The following PCDH9 variants were observed in gnomAD, a reference collection of about 807,000 sequenced individuals.
PCDH9 encodes protocadherin 9.
PCDH9 carries 24 observed loss-of-function variants against 70.6 expected under a neutral mutation model. The observed-to-expected ratio is 0.34, with a 90% CI of 0.25 to 0.48. The LOEUF (loss-of-function observed/expected upper bound fraction) is 0.48. Among genes scored for constraint, PCDH9 ranks in the 20% least tolerant of loss-of-function variants. PCDH9 has a pLI of 0.99. For synonymous variants in PCDH9, 562 were observed against 558.5 expected, an observed-to-expected ratio of 1.01 and a Z score of -0.09; for missense variants, 1,281 against 1,503.6, an observed-to-expected ratio of 0.85 and a Z score of 2.45.
chr13:66,777,097 A>T (rs1368196815), intron 3 of PCDH9, among the ~76,000 whole-genome samples: 183 of 150,650 alleles, frequency 1.2e-3, no homozygotes, highest in African/African-American at 4.1e-3. Context: ...CTGAAACTGG[A>T]TCCCTTCCTT....
At chr13:67,082,618 T>G (rs1594485285) in intron 2 of PCDH9, among the ~76,000 whole-genome samples, 1 of 152,316 alleles carries the variant, frequency 6.6e-6, no homozygotes, top group African/African-American at 2.4e-5. Flanking sequence ...TTAATATGTC[T>G]CTGAATTGTG....
chr13:66,321,416 C>T (rs1365174095), intron 4 of PCDH9, among the ~76,000 whole-genome samples: 1 of 151,936 alleles, frequency 6.6e-6, no homozygotes, highest in Non-Finnish European at 1.5e-5. Flanking sequence ...AAGATGGAAT[C>T]CAGGTGATTG....
intron 2 of PCDH9, among the ~76,000 whole-genome samples, chr13:67,017,005 T>C (rs1306842457): frequency 2.0e-5 from 3 of 152,104 alleles, no homozygotes; most frequent in African/African-American, 7.2e-5. Context: ...AGAAGGGCAA[T>C]ACAATCAATG....
intron 3 of PCDH9, among the ~76,000 whole-genome samples, chr13:66,776,749 T>C (rs1402489030): frequency 1.3e-5 from 2 of 151,242 alleles, no homozygotes; most frequent in Non-Finnish European, 2.9e-5. Flanking sequence ...AAGCTACCAA[T>C]GACTTTCTTC....
chr13:66,370,779 G>T (rs569455371), intron 4 of PCDH9, among the ~76,000 whole-genome samples: 1 of 152,160 alleles, frequency 6.6e-6, no homozygotes, highest in African/African-American at 2.4e-5. Flanking sequence ...CTCCCAACAT[G>T]CTGGGATTAC....
At chr13:66,779,257 A>C (rs1365749341) in intron 3 of PCDH9, among the ~76,000 whole-genome samples, 1 of 152,072 alleles carries the variant, frequency 6.6e-6, no homozygotes, top group Non-Finnish European at 1.5e-5. Flanking sequence ...AAATGAAATC[A>C]CCACCTCATA....
intron 2 of PCDH9, among the ~76,000 whole-genome samples, chr13:67,124,600 T>C (rs552401707): frequency 6.6e-6 from 1 of 152,292 alleles, no homozygotes; most frequent in African/African-American, 2.4e-5. Context: ...TATGATAGAC[T>C]CAAAGCACTT....
intron 2 of PCDH9, among the ~76,000 whole-genome samples, chr13:66,961,690 T>C (rs1487981753): frequency 6.6e-6 from 1 of 151,986 alleles, no homozygotes; most frequent in Non-Finnish European, 1.5e-5. Flanking sequence ...AAATATCAAT[T>C]TTTTGGTTAG....
intron 4 of PCDH9, among the ~76,000 whole-genome samples, chr13:66,562,961 T>C (rs865802977): frequency 6.6e-6 from 1 of 152,070 alleles, no homozygotes; most frequent in Admixed American, 6.6e-5. Flanking sequence ...ATATATATAG[T>C]ATATATAGTA....
intron 2 of PCDH9, among the ~76,000 whole-genome samples, chr13:67,036,126 C>G (rs2085004320): frequency 6.6e-6 from 1 of 152,040 alleles, no homozygotes; most frequent in South Asian, 2.1e-4. Context: ...TCTTAAAAGA[C>G]AAACAAACAA....
At chr13:67,113,736 AG>A (rs1359734716) in intron 2 of PCDH9, among the ~76,000 whole-genome samples, 2 of 151,936 alleles carry the variant, frequency 1.3e-5, no homozygotes, top group African/African-American at 4.8e-5. Context: ...TTTAGTAGAG[AG>A]GGGGTTTCAC....
At chr13:66,314,456 T>G (rs1017523144) in intron 4 of PCDH9, among the ~76,000 whole-genome samples, 18 of 152,350 alleles carry the variant, frequency 1.2e-4, no homozygotes, top group Non-Finnish European at 2.4e-4. Flanking sequence ...GCCAGATCCC[T>G]AAATGTTAGA....
At chr13:67,123,099 C>T (rs1182792240) in intron 2 of PCDH9, among the ~76,000 whole-genome samples, 1 of 151,998 alleles carries the variant, frequency 6.6e-6, no homozygotes, top group African/African-American at 2.4e-5. Context: ...CAGTTCTTCC[C>T]TTCAAACATG....
chr13:67,093,844 G>A (rs946340041), intron 2 of PCDH9, among the ~76,000 whole-genome samples: 3 of 152,028 alleles, frequency 2.0e-5, no homozygotes, highest in Non-Finnish European at 4.4e-5. Context: ...TTACTAACAA[G>A]TTCCAATATT....
chr13:67,100,144 A>T (rs1356161959), intron 2 of PCDH9, among the ~76,000 whole-genome samples: 1 of 152,176 alleles, frequency 6.6e-6, no homozygotes, highest in African/African-American at 2.4e-5. Context: ...ACTTGACATT[A>T]CTTCAGCTAT....
chr13:67,099,000 G>T (rs1049942688), intron 2 of PCDH9, among the ~76,000 whole-genome samples: 1 of 152,110 alleles, frequency 6.6e-6, no homozygotes, highest in South Asian at 2.1e-4. Flanking sequence ...TGTAAAGAAT[G>T]ACCTCATGTT....
At chr13:66,348,372 T>C (rs1182967490) in intron 4 of PCDH9, among the ~76,000 whole-genome samples, 1 of 148,170 alleles carries the variant, frequency 6.7e-6, no homozygotes, top group Non-Finnish European at 1.5e-5. Flanking sequence ...AGAAAAAAAT[T>C]TCAACAACAA....
chr13:66,516,266 G>A (rs187214270), intron 4 of PCDH9, among the ~76,000 whole-genome samples: 19 of 151,982 alleles, frequency 1.3e-4, no homozygotes, highest in African/African-American at 4.1e-4. Context: ...AGACAATCAC[G>A]TATATAGTAG....
At chr13:66,381,481 T>G (rs1956847638) in intron 4 of PCDH9, among the ~76,000 whole-genome samples, 1 of 152,194 alleles carries the variant, frequency 6.6e-6, no homozygotes. Flanking sequence ...TGTGTAAGGC[T>G]TACTTTTAGT....
Sources: allele counts gnomAD v4.1 joint callset (sites outside exome capture counted in the v4.1 genomes callset), GRCh38; gene constraint gnomAD v4.1.1; transcripts MANE v1.5; gene names NCBI Gene and HGNC (gene_info 2026-07-23, HGNC 2026-07-21).